Variants in TSNARE1 observed in about 807,000 individuals in gnomAD.
TSNARE1 encodes t-SNARE domain-containing protein 1.
Under a neutral mutation model 62.0 loss-of-function variants are expected in TSNARE1, and 49 were observed. The ratio of observed to expected loss-of-function variants is 0.79; its 90% confidence interval spans 0.63 to 1.00. TSNARE1 has a LOEUF of 1.00. TSNARE1 is among the 50% of genes least tolerant of loss of function. The pLI is 0.00. For missense variants in TSNARE1, 755 were observed against 700.1 expected, an observed-to-expected ratio of 1.08 and a Z score of -0.88; for synonymous variants, 328 against 294.4, an observed-to-expected ratio of 1.11 and a Z score of -1.17.
upstream of TSNARE1, chr8:142,403,890 C>T (rs1564027570): frequency 6.6e-6 from 1 of 152,312 alleles, no homozygotes; most frequent in African/African-American, 2.4e-5. Context: ...TCCCGAAAGA[C>T]TCCAGCCCCT....
At chr8:142,357,570 G>C (rs1363175808) in intron 1 of TSNARE1, among the ~76,000 whole-genome samples, 1 of 152,182 alleles carries the variant, frequency 6.6e-6, no homozygotes, top group Non-Finnish European at 1.5e-5. Flanking sequence ...GGTGGAGCTA[G>C]GGATTGGCAC....
chr8:142,230,396 G>A (rs544436403), intron 12 of TSNARE1, among the ~76,000 whole-genome samples: 1 of 152,356 alleles, frequency 6.6e-6, no homozygotes, highest in African/African-American at 2.4e-5. Flanking sequence ...TTATGAAGGA[G>A]TTTAGACACC....
intron 2 of TSNARE1, among the ~76,000 whole-genome samples, chr8:142,350,890 C>A (rs1586964747): frequency 6.6e-6 from 1 of 152,196 alleles, no homozygotes; most frequent in Non-Finnish European, 1.5e-5. Flanking sequence ...GAGCATAGGT[C>A]AGCTGTAACA....
At chr8:142,387,074 C>T (rs1347960284) in intron 1 of TSNARE1, among the ~76,000 whole-genome samples, 3 of 152,290 alleles carry the variant, frequency 2.0e-5, no homozygotes, top group East Asian at 1.9e-4. Context: ...TAAGAAACCT[C>T]CCGAAACCCA....
At chr8:142,331,360 C>T (rs112179201) in intron 5 of TSNARE1, among the ~76,000 whole-genome samples, 6 of 152,342 alleles carry the variant, frequency 3.9e-5, no homozygotes, top group East Asian at 1.9e-4. Flanking sequence ...CTGGTCTGCA[C>T]GTCTGAGAGG....
At chr8:142,382,095 C>A (rs760790547) in intron 1 of TSNARE1, among the ~76,000 whole-genome samples, 3 of 152,182 alleles carry the variant, frequency 2.0e-5, no homozygotes, top group African/African-American at 7.2e-5. Context: ...GTGCAGCCTC[C>A]GTGTGGAATG....
At chr8:142,368,287 A>C (rs1373928470) in intron 1 of TSNARE1, among the ~76,000 whole-genome samples, 1 of 152,236 alleles carries the variant, frequency 6.6e-6, no homozygotes, top group Non-Finnish European at 1.5e-5. Flanking sequence ...CAAAAGACAC[A>C]AACAGAAAAT....
chr8:142,247,019 G>A (rs1324443982), intron 12 of TSNARE1, among the ~76,000 whole-genome samples: 1 of 152,218 alleles, frequency 6.6e-6, no homozygotes, highest in African/African-American at 2.4e-5. Flanking sequence ...GCTGCGACCA[G>A]CTATGGCCAG....
chr8:142,364,738 C>T (rs949156189), intron 1 of TSNARE1, among the ~76,000 whole-genome samples: 4 of 152,126 alleles, frequency 2.6e-5, no homozygotes, highest in Non-Finnish European at 5.9e-5. Flanking sequence ...AAGGCTGTCC[C>T]TGGCCAAATC....
intron 1 of TSNARE1, among the ~76,000 whole-genome samples, chr8:142,359,127 T>TC (rs1834967269): frequency 6.6e-6 from 1 of 151,534 alleles, no homozygotes; most frequent in Non-Finnish European, 1.5e-5. Flanking sequence ...CTGCCCCTGC[T>TC]CCTCCACCCC....
chr8:142,256,458 TA>T (rs1168659930), intron 12 of TSNARE1, among the ~76,000 whole-genome samples: 2 of 94,230 alleles, frequency 2.1e-5, no homozygotes, highest in Non-Finnish European at 4.4e-5. Flanking sequence ...ACCATTACCA[TA>T]ACCACCAACA....
chr8:142,228,559 C>G (rs2130057428), intron 13 of TSNARE1, among the ~76,000 whole-genome samples: 1 of 152,390 alleles, frequency 6.6e-6, no homozygotes, highest in African/African-American at 2.4e-5. Flanking sequence ...GTTCTGTGCA[C>G]TGACTGCTAG....
At chr8:142,284,275 C>A in intron 11 of TSNARE1, 138 bp downstream of exon 11, 1 of 672,764 alleles carries the variant, frequency 1.5e-6, no homozygotes, top group Non-Finnish European at 2.6e-6. Context: ...GGAGCAGATG[C>A]TCAGACCTGG....
At chr8:142,308,536 C>T (rs1463658829) in intron 9 of TSNARE1, among the ~76,000 whole-genome samples, 1 of 152,182 alleles carries the variant, frequency 6.6e-6, no homozygotes, top group Non-Finnish European at 1.5e-5. Flanking sequence ...CGTGTCCAGT[C>T]TCCACCCTGT....
intron 9 of TSNARE1, among the ~76,000 whole-genome samples, chr8:142,303,046 G>A (rs1396327335): frequency 6.6e-6 from 1 of 152,134 alleles, no homozygotes; most frequent in African/African-American, 2.4e-5. Context: ...GTGGGCATCT[G>A]GGGACATGGG....
intron 1 of TSNARE1, among the ~76,000 whole-genome samples, chr8:142,375,739 G>C: frequency 6.6e-6 from 1 of 152,174 alleles, no homozygotes; most frequent in Non-Finnish European, 1.5e-5. Context: ...CAAACTCCCC[G>C]CACAGAGACC....
At chr8:142,236,860 C>T (rs553431874) in intron 12 of TSNARE1, among the ~76,000 whole-genome samples, 1 of 152,310 alleles carries the variant, frequency 6.6e-6, no homozygotes, top group African/African-American at 2.4e-5. Flanking sequence ...AAAGACCCCG[C>T]CCTGGCGCAG....
intron 12 of TSNARE1, among the ~76,000 whole-genome samples, chr8:142,267,024 T>C (rs773244477): frequency 1.3e-5 from 2 of 152,250 alleles, no homozygotes; most frequent in Non-Finnish European, 2.9e-5. Flanking sequence ...TAATCACTTT[T>C]TAGAATCTTA....
intron 1 of TSNARE1, among the ~76,000 whole-genome samples, chr8:142,365,602 G>GCGCACACGCGCACACA (rs149020570): frequency 6.9e-6 from 1 of 144,404 alleles, no homozygotes; most frequent in South Asian, 2.3e-4. Flanking sequence ...ACATGCACAC[G>GCGCACACGCGCACACA]CACACACACA....
Sources: gnomAD v4.1 joint callset for allele counts (sites outside exome capture counted in the v4.1 genomes callset) on GRCh38, gnomAD v4.1.1 for gene constraint, MANE v1.5 for transcripts, NCBI Gene and HGNC (gene_info 2026-07-23, HGNC 2026-07-21) for gene names.